MICU3: variants seen among roughly 807,000 people sequenced by gnomAD.
MICU3 encodes the protein calcium uptake protein 3, mitochondrial.
MICU3 carries 62 observed loss-of-function variants against 66.5 expected under a neutral mutation model. The observed-to-expected ratio is 0.93, with a 90% CI of 0.76 to 1.15. The LOEUF (loss-of-function observed/expected upper bound fraction) is 1.15, where lower values mean the gene tolerates loss of function less well. MICU3 is among the 50% of genes most tolerant of loss of function. The probability of loss-of-function intolerance (pLI) is 0.00; values close to 1 mark genes in which losing one functional copy is unlikely to be tolerated. For missense variants in MICU3, 779 were observed against 664.4 expected, an observed-to-expected ratio of 1.17 and a Z score of -1.90; for synonymous variants, 308 against 240.7, an observed-to-expected ratio of 1.28 and a Z score of -2.59.
the MICU3 span, chr8:17,134,278 T>C: frequency 2.0e-5 from 3 of 152,186 alleles, no homozygotes; most frequent in African/African-American, 4.8e-5. Context: ...AGACGTTGTA[T>C]TTCTTATTTC....
At chr8:17,039,519 T>C (rs1278408091) in intron 1 of MICU3, among the ~76,000 whole-genome samples, 15 of 152,344 alleles carry the variant, frequency 9.8e-5, no homozygotes, top group Non-Finnish European at 1.8e-4. Context: ...TAGAGTCACA[T>C]ACAATGATTT....
At chr8:17,087,951 T>A (rs146306857) in intron 7 of MICU3, among the ~76,000 whole-genome samples, 1,528 of 152,160 alleles carry the variant, frequency 0.01, 34 homozygotes, top group African/African-American at 0.035. Flanking sequence ...AGTTTAATTG[T>A]CCTACATAGA....
chr8:17,098,172 C>T (rs1168154578), intron 8 of MICU3, among the ~76,000 whole-genome samples: 2 of 151,642 alleles, frequency 1.3e-5, no homozygotes, highest in Non-Finnish European at 3.0e-5. Context: ...AAGTTACACA[C>T]GTTTCAGTAG....
intron 1 of MICU3, among the ~76,000 whole-genome samples, chr8:17,058,991 C>A (rs184908639): frequency 5.1e-4 from 78 of 152,226 alleles, no homozygotes; most frequent in African/African-American, 1.8e-3. Context: ...GGTAATCTTC[C>A]AATTGACTAA....
the MICU3 span, among the ~76,000 whole-genome samples, chr8:17,137,525 A>ATT: frequency 2.0e-5 from 3 of 150,074 alleles, no homozygotes; most frequent in African/African-American, 7.3e-5. Context: ...TTTTTTTAAA[A>ATT]AAAAAAAAAA....
rs537105384 is a variant in MICU3 at position 17,078,450 on chromosome 8, T to C, written c.646+589T>C. On this transcript the variant is annotated intron_variant, in intron 4 of 14. Coordinates refer to ENST00000318063, the MANE Select transcript of MICU3 (RefSeq NM_181723.3). ...TTTCCTGGCAATCAAATTATATGGC[T>C]TTTATTGTAATTTTCTTTTACAGGG... Among the ~76,000 whole-genome samples the C allele has an allele frequency of 2.3e-3, 355 of 152,240 alleles. 2 individuals carry two copies. The highest frequency in any genetic ancestry group is 8.1e-3 in the African/African-American group (337 of 41,582).
At chr8:17,071,043 T>G (rs1819510881) in intron 3 of MICU3, among the ~76,000 whole-genome samples, 1 of 152,142 alleles carries the variant, frequency 6.6e-6, no homozygotes, top group African/African-American at 2.4e-5. Flanking sequence ...TAGGAATTGT[T>G]TATTTTTGGA....
chr8:17,070,487 A>C (rs1248364622), intron 3 of MICU3, among the ~76,000 whole-genome samples: 2 of 152,142 alleles, frequency 1.3e-5, no homozygotes, highest in Non-Finnish European at 2.9e-5. Context: ...CATTAAATTC[A>C]AGAAAGTATT....
At chr8:17,079,633 C>T (rs1348240096) in intron 4 of MICU3, among the ~76,000 whole-genome samples, 2 of 152,044 alleles carry the variant, frequency 1.3e-5, no homozygotes, top group Non-Finnish European at 1.5e-5. Context: ...GCCTTGACCT[C>T]CTGGGCTTAA....
chr8:17,049,644 T>C (rs755776905), intron 1 of MICU3: 1 of 518,232 alleles, frequency 1.9e-6, no homozygotes, highest in Non-Finnish European at 3.9e-6. Context: ...AAAACCCATA[T>C]ACTTTCATTC....
chr8:17,091,822 C>T (rs1327703412), intron 8 of MICU3, among the ~76,000 whole-genome samples: 1 of 152,066 alleles, frequency 6.6e-6, no homozygotes, highest in Non-Finnish European at 1.5e-5. Flanking sequence ...ATGAAAATCT[C>T]ACAGATTATA....
rs199999558 is a variant in MICU3, at chr8:17,102,122, C to CTATTTG, written c.985-2268_985-2267insATTTGT. 1.3e-3 allele frequency among the ~76,000 whole-genome samples: 200 copies of CTATTTG among 151,960 alleles called. 2 individuals carry two copies. In the East Asian group the frequency reaches 0.03, roughly 23 times the overall value. ...CTCATCTTATTTGCTCACCACAGTACTGGCTATTTGTGAAGCAAGCAACTT... is the reference window on the plus strand; with the variant it reads ...CTCATCTTATTTGCTCACCACAGTACTATTTGTGGCTATTTGTGAAGCAAGCAACTT... On this transcript the variant is annotated intron_variant, in intron 9 of 14. Transcript: ENST00000318063.
At chr8:17,097,639 C>A (rs1800853033) in intron 8 of MICU3, among the ~76,000 whole-genome samples, 1 of 151,702 alleles carries the variant, frequency 6.6e-6, no homozygotes, top group African/African-American at 2.4e-5. Flanking sequence ...GTACACCATG[C>A]AGCATTTCAT....
At chr8:17,095,473 A>C (rs994687595) in intron 8 of MICU3, among the ~76,000 whole-genome samples, 2 of 151,862 alleles carry the variant, frequency 1.3e-5, no homozygotes, top group African/African-American at 2.4e-5. Context: ...TATAGTTTTA[A>C]TATGTGTGTG....
At chr8:17,094,417 C>T (rs539018048) in intron 8 of MICU3, among the ~76,000 whole-genome samples, 2 of 151,774 alleles carry the variant, frequency 1.3e-5, no homozygotes, top group African/African-American at 4.8e-5. Flanking sequence ...AATTTAAAAA[C>T]TCATATGTTA....
At chr8:17,085,109 T>C (rs975215997) in intron 5 of MICU3, 127 bp from the exon 6 acceptor site, 3 of 519,374 alleles carry the variant, frequency 5.8e-6, no homozygotes, top group African/African-American at 1.9e-5. Context: ...GAAATATATA[T>C]ACTTTTATAC....
At chr8:17,107,770 C>T (rs944441018) in intron 11 of MICU3, among the ~76,000 whole-genome samples, 1 of 152,160 alleles carries the variant, frequency 6.6e-6, no homozygotes, top group African/African-American at 2.4e-5. Flanking sequence ...CTTGCTTTAG[C>T]ATAGGCATGA....
intron 3 of MICU3, among the ~76,000 whole-genome samples, chr8:17,071,889 GT>G (rs1171096918): frequency 6.6e-6 from 1 of 152,086 alleles, no homozygotes; most frequent in African/African-American, 2.4e-5. Context: ...ATTAAATTAT[GT>G]TTTTAAAAAT....
intron 9 of MICU3, among the ~76,000 whole-genome samples, chr8:17,098,994 G>C (rs1007171891): frequency 2.6e-5 from 4 of 151,870 alleles, no homozygotes; most frequent in African/African-American, 9.6e-5. Context: ...GGAACAGCCA[G>C]TCAAGGAAGG....
Sources: gnomAD v4.1 joint callset for allele counts (sites outside exome capture counted in the v4.1 genomes callset) on GRCh38, gnomAD v4.1.1 for gene constraint, MANE v1.5 for transcripts, NCBI Gene and HGNC (gene_info 2026-07-23, HGNC 2026-07-21) for gene names.